NEK11: variants seen among roughly 807,000 people sequenced by gnomAD.
NEK11 encodes serine/threonine-protein kinase Nek11.
In NEK11, 72 loss-of-function variants were observed where a neutral mutation model predicts 80.7. The ratio of observed to expected loss-of-function variants is 0.89; its 90% CI spans 0.74 to 1.08. The LOEUF is 1.08. Among genes scored for constraint, NEK11 ranks in the 50% least tolerant of loss-of-function variants. NEK11 has a pLI of 0.00. For missense variants in NEK11, 764 were observed against 763.6 expected (o/e 1.00, Z -0.01); for synonymous variants, 251 against 260.7 (o/e 0.96, Z 0.36).
In NEK11 at chr3:131,115,962, C is replaced by CTTTCTTTCTTTCTTTCTTTCTT. The variant is rs1553878533; in HGVS notation, c.455+6043_455+6064dup. ...TCTTTCTTTCTTTCTTTCTTTCTTT[C>CTTTCTTTCTTTCTTTCTTTCTT]TTTCTTTCTTTCTTTCTTTCTTTCT... On this transcript the variant is annotated intron_variant, in intron 5 of 17. Coordinates refer to ENST00000383366, the MANE Select transcript of NEK11 (RefSeq NM_024800.5). Among the ~76,000 whole-genome samples, 202 of 140,992 alleles carry CTTTCTTTCTTTCTTTCTTTCTT rather than the reference C, an allele frequency of 1.4e-3. 1 individual carries two copies. The highest frequency in any genetic ancestry group is 0.012 in the East Asian group (52 of 4,490). The allele number at this position is 140,992 out of a possible 152,430, so 92.5% of individuals were successfully genotyped here. A position where few individuals can be genotyped will look rare whatever the true frequency, so the allele number is the denominator to read the frequency against.
At chr3:131,302,817 T>A (rs2096676198) in intron 17 of NEK11, among the ~76,000 whole-genome samples, 1 of 152,192 alleles carries the variant, frequency 6.6e-6, no homozygotes, top group South Asian at 2.1e-4. Flanking sequence ...GAGAAGAATG[T>A]ATATTCTGTT....
At chr3:131,065,467 G>A (rs892349829) in intron 3 of NEK11, among the ~76,000 whole-genome samples, 4 of 152,132 alleles carry the variant, frequency 2.6e-5, no homozygotes, top group Non-Finnish European at 4.4e-5. Flanking sequence ...TTGAAATGAG[G>A]CCTGAACACC....
intron 4 of NEK11, 135 bp downstream of exon 4, chr3:131,080,723 C>A: frequency 1.4e-6 from 1 of 715,854 alleles, no homozygotes; most frequent in Non-Finnish European, 2.2e-6. Context: ...CCATGTCTTG[C>A]AGCTAAGAAT....
chr3:131,138,070 C>G (rs2085982324), intron 7 of NEK11, among the ~76,000 whole-genome samples: 1 of 152,216 alleles, frequency 6.6e-6, no homozygotes, highest in South Asian at 2.1e-4. Flanking sequence ...CAGGTACCAG[C>G]TCAGCCACAG....
intron 16 of NEK11, among the ~76,000 whole-genome samples, chr3:131,254,402 A>C (rs2095765434): frequency 6.6e-6 from 1 of 152,220 alleles, no homozygotes; most frequent in African/African-American, 2.4e-5. Context: ...AAGAGTTTGA[A>C]GAGCTTAAGC....
chr3:131,198,922 G>A (rs1050280230), intron 14 of NEK11, among the ~76,000 whole-genome samples: 9 of 152,186 alleles, frequency 5.9e-5, no homozygotes, highest in Admixed American at 5.9e-4. Context: ...AACCTGTTAT[G>A]CCAAGGAGCC....
At chr3:131,295,184 T>A (rs965424006) in intron 17 of NEK11, among the ~76,000 whole-genome samples, 3 of 151,942 alleles carry the variant, frequency 2.0e-5, no homozygotes, top group African/African-American at 4.8e-5. Flanking sequence ...CCTTTCTGCC[T>A]TTTTTTTAAA....
intron 3 of NEK11, among the ~76,000 whole-genome samples, chr3:131,036,591 A>T (rs560097576): frequency 6.6e-6 from 1 of 152,324 alleles, no homozygotes; most frequent in African/African-American, 2.4e-5. Flanking sequence ...GCAGGATGGA[A>T]GGTTGGGTGA....
chr3:131,060,388 C>T (rs190600044), intron 3 of NEK11, among the ~76,000 whole-genome samples: 1 of 152,180 alleles, frequency 6.6e-6, no homozygotes, highest in African/African-American at 2.4e-5. Flanking sequence ...TTCATCGAGG[C>T]AATTTATCTA....
intron 14 of NEK11, among the ~76,000 whole-genome samples, chr3:131,185,486 C>A (rs969247595): frequency 2.0e-5 from 3 of 152,090 alleles, no homozygotes; most frequent in African/African-American, 7.2e-5. Flanking sequence ...AAAGATTTCC[C>A]ATAGAGGAAT....
chr3:131,272,463 C>CTTTTTTTTTTTTTTTTTTTTT lies in NEK11; in HGVS notation c.1622-1005_1622-985dup, dbSNP rs869304359. Among the ~76,000 whole-genome samples, 49 of 43,898 alleles carry CTTTTTTTTTTTTTTTTTTTTT rather than the reference C, an allele frequency of 1.1e-3. 12 individuals carry two copies. The highest frequency in any genetic ancestry group is 3.7e-3 in the East Asian group (4 of 1,068). The allele number at this position is 43,898 out of a possible 152,430, so 28.8% of individuals were successfully genotyped here. A position where few individuals can be genotyped will look rare whatever the true frequency, so the allele number is the denominator to read the frequency against. Reference sequence around the variant, plus strand: ...CTTGCTAATGGGCCAGTTTTAGCTTCTTTTTTTTTTTTTTTTTTTTTTTTT... The same window carrying CTTTTTTTTTTTTTTTTTTTTT: ...CTTGCTAATGGGCCAGTTTTAGCTTCTTTTTTTTTTTTTTTTTTTTTTTTTTTTTTTTTTTTTTTTTTTTTT... On this transcript the variant is annotated intron_variant, in intron 16 of 17. Coordinates refer to ENST00000383366, the MANE Select transcript of NEK11 (RefSeq NM_024800.5).
At chr3:131,085,177 A>G (rs906762658) in intron 4 of NEK11, among the ~76,000 whole-genome samples, 6 of 152,198 alleles carry the variant, frequency 3.9e-5, no homozygotes, top group Non-Finnish European at 8.8e-5. Flanking sequence ...GTCTCCTCTA[A>G]TAGGAAAAAA....
chr3:131,227,380 C>T (rs1468643673), intron 14 of NEK11, among the ~76,000 whole-genome samples: 3 of 152,132 alleles, frequency 2.0e-5, no homozygotes, highest in South Asian at 2.1e-4. Flanking sequence ...CCCTGCATAC[C>T]GATGCTTTCA....
intron 17 of NEK11, among the ~76,000 whole-genome samples, chr3:131,334,571 A>C (rs7374310): frequency 0.39 from 56,394 of 145,784 alleles, 12,730 homozygotes; most frequent in Non-Finnish European, 0.52. Context: ...GAAAAGCAAG[A>C]GCAAACACAT....
At chr3:131,231,337 G>A (rs1290747218) in intron 15 of NEK11, among the ~76,000 whole-genome samples, 1 of 150,504 alleles carries the variant, frequency 6.6e-6, no homozygotes, top group Non-Finnish European at 1.5e-5. Flanking sequence ...CACGTAGCTA[G>A]GCAAGGATCA....
At chr3:131,069,764 G>A (rs925182068) in intron 3 of NEK11, among the ~76,000 whole-genome samples, 5 of 151,170 alleles carry the variant, frequency 3.3e-5, no homozygotes, top group African/African-American at 1.2e-4. Context: ...ACTCATAGGT[G>A]GGAACTGAAC....
intron 17 of NEK11, among the ~76,000 whole-genome samples, chr3:131,349,180 T>C (rs553925678): frequency 1.3e-5 from 2 of 152,306 alleles, no homozygotes; most frequent in Non-Finnish European, 2.9e-5. Flanking sequence ...CGCCTCACCC[T>C]GCTTTTTCTT....
chr3:131,044,284 A>G (rs1049279182), intron 3 of NEK11, among the ~76,000 whole-genome samples: 1 of 152,144 alleles, frequency 6.6e-6, no homozygotes, highest in African/African-American at 2.4e-5. Flanking sequence ...AAATGCCCCA[A>G]TTAAAAGGCA....
chr3:131,154,881 A>G, intron 9 of NEK11, 155 bp from the exon 10 acceptor site: 1 of 547,598 alleles, frequency 1.8e-6, no homozygotes, highest in Non-Finnish European at 3.3e-6. Context: ...GCTACATGTA[A>G]TTTTACATAA....
Sources: allele counts gnomAD v4.1 joint callset (sites outside exome capture counted in the v4.1 genomes callset), GRCh38; gene constraint gnomAD v4.1.1; transcripts MANE v1.5; gene names NCBI Gene and HGNC (gene_info 2026-07-23, HGNC 2026-07-21).